C17orf113: variants seen among roughly 807,000 people sequenced by gnomAD.
C17orf113 encodes chromosome 17 open reading frame 113, also known as uncharacterized protein C17orf113.
In C17orf113, 5 loss-of-function variants were observed where a neutral mutation model predicts 11.6. That is an observed-to-expected ratio of 0.43 (90% CI 0.23 to 0.91). The LOEUF (loss-of-function observed/expected upper bound fraction) is 0.91, where lower values mean the gene tolerates loss of function less well. Among genes scored for constraint, C17orf113 ranks in the 40% least tolerant of loss-of-function variants. C17orf113 has a pLI of 0.26. For synonymous variants in C17orf113, 327 were observed against 390.6 expected (o/e 0.84, Z 1.92); for missense variants, 714 against 841.3 (o/e 0.85, Z 1.87).
Position 42,039,634 on chromosome 17 carries a change from G to C in C17orf113, c.*71C>G. On this transcript the variant is annotated 3_prime_UTR_variant, in exon 3 of 3. Transcript: ENST00000587304. Reference sequence around the variant, plus strand: ...CAGCAGATCATCTTGGGTGCAGCATGGTCAAGTCTAGGTTGGCCCTTACAG... The same window carrying C: ...CAGCAGATCATCTTGGGTGCAGCATCGTCAAGTCTAGGTTGGCCCTTACAG... 8.3e-7 allele frequency: 1 copy of C among 1,198,952 alleles called. No homozygotes were observed. The highest frequency in any genetic ancestry group is 1.0e-6 in the Non-Finnish European group (1 of 957,956). The allele number at this position is 1,198,952 out of a possible 1,614,324, so 74.3% of individuals were successfully genotyped here. A position where few individuals can be genotyped will look rare whatever the true frequency, so the allele number is the denominator to read the frequency against.
Position 42,043,020 on chromosome 17 carries a change from G to C in C17orf113, c.357C>G (p.Gly119=). The stretch of plus-strand genomic sequence containing the variant: ...TGGCCGGGTCTAACTCCACCTTGAC[G>C]CCCCTGGAGGCAGGGGTCGTAGCCA... ...PGLATTPASR[G]VKVELDPAKV... Residue 119 remains glycine (G), a synonymous_variant, in exon 2 of 3, where the codon GGC becomes GGG. Coordinates refer to ENST00000587304, the MANE Select transcript of C17orf113 (RefSeq NM_001358661.2). The C allele has an allele frequency of 2.4e-6, 3 of 1,232,304 alleles. No homozygotes were observed. The highest frequency in any genetic ancestry group is 2.0e-6 in the Non-Finnish European group (2 of 988,056). The allele number at this position is 1,232,304 out of a possible 1,614,324, so 76.3% of individuals were successfully genotyped here. A position where few individuals can be genotyped will look rare whatever the true frequency, so the allele number is the denominator to read the frequency against.
chr17:42,047,651 C>T (rs1313754908), intron 1 of C17orf113, among the ~76,000 whole-genome samples: 1 of 151,814 alleles, frequency 6.6e-6, no homozygotes, highest in Non-Finnish European at 1.5e-5. Context: ...TGGCCCTCTT[C>T]CTTGGGACTT....
intron 1 of C17orf113, among the ~76,000 whole-genome samples, chr17:42,047,325 C>A (rs868963960): frequency 8.5e-4 from 129 of 152,132 alleles, no homozygotes; most frequent in African/African-American, 3.1e-3. Flanking sequence ...AGCCACTGCG[C>A]CTGGCCCCGG....
At chr17:42,049,978 G>A (rs1418443939) in intron 1 of C17orf113, among the ~76,000 whole-genome samples, 4 of 152,330 alleles carry the variant, frequency 2.6e-5, no homozygotes, top group Admixed American at 2.6e-4. Flanking sequence ...ATTGGACAGA[G>A]CTGCTATAAA....
rs2052996548 is a variant in C17orf113 at position 42,040,662 on chromosome 17, C to G, written c.1071G>C (p.Leu357=). 3.2e-6 allele frequency: 4 copies of G among 1,232,288 alleles called. No homozygotes were observed. Among genetic ancestry groups the G allele is most frequent in the Non-Finnish European group, 4.0e-6 (4 of 988,064 alleles). The allele number at this position is 1,232,288 out of a possible 1,614,324, so 76.3% of individuals were successfully genotyped here. ...AGPRPVPWAS[L]LPVVEAVAEA... ...CGGCCACTGCTTCCACTACAGGCAG[C>G]AGGGAGGCCCAGGGCACTGGCCGAG... The change falls in exon 3 of 3, where the codon CTG becomes CTC. Residue 357 remains leucine (L), a synonymous_variant. Coordinates refer to ENST00000587304, the MANE Select transcript of C17orf113 (RefSeq NM_001358661.2).
rs1193391213 is a variant in C17orf113 at position 42,041,127 on chromosome 17, C to T, written c.606G>A (p.Val202=). Residue 202 remains valine, a synonymous_variant, in exon 3 of 3, where the codon GTG becomes GTA. Transcript: ENST00000587304. ...ACQRLKASPY[V]GLVLDETRDW... ...CTCTGGTCTCGTCCAACACCAGCCC[C>T]ACATATGGGGATGCCTTCAGGCGCT... 8.1e-7 allele frequency: 1 copy of T among 1,232,176 alleles called. No homozygotes were observed. Among genetic ancestry groups the T allele is most frequent in the Non-Finnish European group, 1.0e-6 (1 of 988,050 alleles). 76.3% of individuals were successfully genotyped at this position (1,232,176 alleles called of 1,614,324 possible).
In C17orf113 at chr17:42,039,759, C is replaced by T; in HGVS notation, c.1974G>A (p.Val658=). 1 of 1,232,450 alleles carries T rather than the reference C, an allele frequency of 8.1e-7. No individual in the cohort carries two copies. Among genetic ancestry groups the T allele is most frequent in the Non-Finnish European group, 1.0e-6 (1 of 988,164 alleles). The allele number at this position is 1,232,450 out of a possible 1,614,324, so 76.3% of individuals were successfully genotyped here. ...PLHEFDFGLA[V]EFLESGWGEG... ...CTCCCCACCCACTCTCTAAGAACTC[C>T]ACAGCCAACCCGAAGTCAAACTCGT... Residue 658 remains valine, a synonymous_variant, in exon 3 of 3, where the codon GTG becomes GTA. Transcript: ENST00000587304.
chr17:42,045,759 A>G (rs1242515875), intron 1 of C17orf113, among the ~76,000 whole-genome samples: 6 of 152,040 alleles, frequency 3.9e-5, no homozygotes, highest in African/African-American at 1.5e-4. Context: ...CCCTCACCCA[A>G]CAGCCAGAGA....
chr17:42,042,367 C>T (rs1598186032), intron 2 of C17orf113, among the ~76,000 whole-genome samples: 2 of 152,182 alleles, frequency 1.3e-5, no homozygotes, highest in South Asian at 2.1e-4. Flanking sequence ...ACTAAAAATA[C>T]AAAAATTAGC....
intron 1 of C17orf113, among the ~76,000 whole-genome samples, chr17:42,049,619 C>G (rs1039231637): frequency 5.3e-5 from 8 of 152,246 alleles, no homozygotes; most frequent in South Asian, 4.1e-4. Context: ...GCCCAGCCCA[C>G]TATGCACAGG....
rs1392555488 is a variant in C17orf113, at chr17:42,039,756, C to A, written c.1977G>T (p.Glu659Asp). The A allele has an allele frequency of 8.1e-7, 1 of 1,232,510 alleles. No individual in the cohort carries two copies. Among genetic ancestry groups the A allele is most frequent in the Non-Finnish European group, 1.0e-6 (1 of 988,204 alleles). 76.3% of individuals were successfully genotyped at this position (1,232,510 alleles called of 1,614,324 possible). ...LHEFDFGLAV[E>D]FLESGWGEGF... is the part of the protein sequence containing the mutation. ...CCTCTCCCCACCCACTCTCTAAGAA[C>A]TCCACAGCCAACCCGAAGTCAAACT... Residue 659 changes from glutamate to aspartate, a missense_variant, in exon 3 of 3, where the codon GAG becomes GAT. Glu to Asp is a conservative substitution (Grantham distance 45). Transcript: ENST00000587304.
At position 42,040,185 on chromosome 17, in the gene C17orf113, G is replaced by A; in HGVS notation, c.1548C>T (p.Ala516=). 8.1e-7 allele frequency: 1 copy of A among 1,231,572 alleles called. No homozygotes were observed. The highest frequency in any genetic ancestry group is 1.0e-6 in the Non-Finnish European group (1 of 987,848). The allele number at this position is 1,231,572 out of a possible 1,614,324, so 76.3% of individuals were successfully genotyped here. A position where few individuals can be genotyped will look rare whatever the true frequency, so the allele number is the denominator to read the frequency against. Reference sequence around the variant, plus strand: ...GTCGGGGGTCGAAGATCGCTGCGAAGGCGGCCACGGCGTCCAGCGAAGGCC... The same window carrying A: ...GTCGGGGGTCGAAGATCGCTGCGAAAGCGGCCACGGCGTCCAGCGAAGGCC... The part of the protein sequence containing the change: ...YPGPSLDAVA[A]FAAIFDPRRY... The change falls in exon 3 of 3, where the codon GCC becomes GCT. Residue 516 remains alanine (A), a synonymous_variant. Transcript: ENST00000587304.
chr17:42,045,255 G>A (rs1443799745), intron 1 of C17orf113, among the ~76,000 whole-genome samples: 1 of 151,790 alleles, frequency 6.6e-6, no homozygotes, highest in African/African-American at 2.4e-5. Flanking sequence ...GTTTCACCGT[G>A]TTAGCCAGGA....
rs571041618 is a variant in C17orf113, at chr17:42,040,006, G to C, written c.1727C>G (p.Pro576Arg). 4 of 1,230,908 alleles carry C rather than the reference G, an allele frequency of 3.2e-6. No homozygotes were observed. In the South Asian group the frequency reaches 1.2e-4, roughly 38 times the overall value. The allele number at this position is 1,230,908 out of a possible 1,614,324, so 76.2% of individuals were successfully genotyped here. A position where few individuals can be genotyped will look rare whatever the true frequency, so the allele number is the denominator to read the frequency against. ...RVVFGLGRLG[P>R]RALCTQLACA... ...CGCCAGCTGGGTGCACAGGGCCCGC[G>C]GGCCGAGCCGCCCAAGGCCGAATAC... Residue 576 changes from proline (P) to arginine (R), a missense_variant, in exon 3 of 3, where the codon CCG (proline) becomes CGG (arginine). Transcript: ENST00000587304.
intron 1 of C17orf113, among the ~76,000 whole-genome samples, chr17:42,048,519 C>T (rs2053217110): frequency 6.6e-6 from 1 of 152,162 alleles, no homozygotes; most frequent in Non-Finnish European, 1.5e-5. Context: ...CTCCAGCCAC[C>T]CTGGGTGACA....
rs2053249572 is a variant in C17orf113 at position 42,050,091 on chromosome 17, C to A, written c.-188+466G>T. Among the ~76,000 whole-genome samples, 1 of 152,238 alleles carries A rather than the reference C, an allele frequency of 6.6e-6. No homozygotes were observed. Among genetic ancestry groups the A allele is most frequent in the Non-Finnish European group, 1.5e-5 (1 of 68,054 alleles). Reference sequence around the variant, plus strand: ...TCCATGGGTCCAGTTGTGACCAAGGCTGACCAGGAGGGCACACTTGCTGCA... The same window carrying A: ...TCCATGGGTCCAGTTGTGACCAAGGATGACCAGGAGGGCACACTTGCTGCA... On this transcript the variant is annotated intron_variant, in intron 1 of 2. Coordinates refer to ENST00000587304, the MANE Select transcript of C17orf113 (RefSeq NM_001358661.2). This position sits in a 1 kb window ranked among gnomAD's most constrained non-coding sequence, Gnocchi z 5.6.
rs2052960291 is a variant in C17orf113 at position 42,039,748 on chromosome 17, T to G, written c.1985A>C (p.Glu662Ala). ...CAGGAAGCCCTCTCCCCACCCACTC[T>G]CTAAGAACTCCACAGCCAACCCGAA... Reference protein sequence around the residue: ...FDFGLAVEFLESGWGEGFLGS... With the variant: ...FDFGLAVEFLASGWGEGFLGS... The change falls in exon 3 of 3, where the codon GAG (glutamate) becomes GCG (alanine). Residue 662 changes from glutamate to alanine, a missense_variant. Glu to Ala is a moderately radical substitution (Grantham distance 107, BLOSUM62 -1). This residue lies in a region of C17orf113 where 194 missense variants were observed against 197.2 expected (regional missense o/e 0.98). Transcript: ENST00000587304. 2.4e-6 allele frequency: 3 copies of G among 1,232,386 alleles called. No individual in the cohort carries two copies. The highest frequency in any genetic ancestry group is 3.0e-6 in the Non-Finnish European group (3 of 988,150). 76.3% of individuals were successfully genotyped at this position (1,232,386 alleles called of 1,614,324 possible).
chr17:42,046,120 T>G (rs934278637), intron 1 of C17orf113, among the ~76,000 whole-genome samples: 2 of 152,194 alleles, frequency 1.3e-5, no homozygotes, highest in African/African-American at 4.8e-5. Context: ...CATCCTCTAG[T>G]TCCCCACAGC....
intron 1 of C17orf113, among the ~76,000 whole-genome samples, chr17:42,044,198 C>T (rs1406209420): frequency 1.4e-5 from 2 of 145,964 alleles, no homozygotes; most frequent in Non-Finnish European, 3.0e-5. Context: ...CTAGTCCCAG[C>T]TACTGGGGAG....
Sources: gnomAD v4.1 joint callset for allele counts (sites outside exome capture counted in the v4.1 genomes callset) on GRCh38, gnomAD v4.1.1 for gene constraint, gnomAD v4.1.1 regional missense constraint, Gnocchi (gnomAD v3.1) non-coding constraint, MANE v1.5 for transcripts, NCBI Gene and HGNC (gene_info 2026-07-23, HGNC 2026-07-21) for gene names.